Variants in ZNF407 observed in about 807,000 individuals in gnomAD.
ZNF407 encodes zinc finger protein 407.
A neutral mutation model predicts 131.2 loss-of-function variants in ZNF407; 17 were observed. That is an observed-to-expected ratio of 0.13 (90% CI 0.09 to 0.19). The LOEUF is 0.19. ZNF407 is among the 10% of genes least tolerant of loss of function. ZNF407 has a pLI of 1.00. For synonymous variants in ZNF407, 1,156 were observed against 1,062.0 expected (o/e 1.09, Z -1.72); for missense variants, 2,681 against 2,830.6 (o/e 0.95, Z 1.20).
intron 4 of ZNF407, among the ~76,000 whole-genome samples, chr18:74,807,387 GAGGTAGTCT>G (rs151261926): frequency 0.011 from 1,658 of 152,258 alleles, 28 homozygotes; most frequent in African/African-American, 0.037. Flanking sequence ...GAGAGTCATG[GAGGTAGTCT>G]TCGTTGTGCA....
intron 8 of ZNF407, among the ~76,000 whole-genome samples, chr18:75,008,731 G>A (rs1241884883): frequency 6.6e-6 from 1 of 152,110 alleles, no homozygotes; most frequent in Non-Finnish European, 1.5e-5. Context: ...GTAATGCAGG[G>A]TAATAGGAAC....
chr18:74,654,667 CATAAT>C (rs1985372308), intron 3 of ZNF407, among the ~76,000 whole-genome samples: 1 of 151,730 alleles, frequency 6.6e-6, no homozygotes, highest in African/African-American at 2.4e-5. Context: ...TAAACTACTA[CATAAT>C]ATATCTTTAC....
At chr18:74,606,878 TTTAC>T (rs976482857) in intron 1 of ZNF407, among the ~76,000 whole-genome samples, 13 of 152,196 alleles carry the variant, frequency 8.5e-5, no homozygotes, top group Non-Finnish European at 1.8e-4. Context: ...ATGAGGAAAT[TTTAC>T]TTATTTCACT....
chr18:74,615,444 G>T (rs1983245021), intron 1 of ZNF407, among the ~76,000 whole-genome samples: 1 of 152,224 alleles, frequency 6.6e-6, no homozygotes, highest in African/African-American at 2.4e-5. Flanking sequence ...GGCAGAGGTT[G>T]CAGTGAGCCA....
chr18:74,633,683 T>C lies in ZNF407; in HGVS notation c.2664T>C (p.Thr888=). 9 of 1,613,904 alleles carry C rather than the reference T, an allele frequency of 5.6e-6. No individual in the cohort carries two copies. Among genetic ancestry groups the C allele is most frequent in the African/African-American group, 1.3e-5 (1 of 75,020 alleles). ...SYLCKVCKYY[T]VTKGDMERHC... ...TATGCAAAGTGTGTAAGTATTACACTGTAACTAAGGGAGATATGGAACGTC... is the reference window on the plus strand; with the variant it reads ...TATGCAAAGTGTGTAAGTATTACACCGTAACTAAGGGAGATATGGAACGTC... Residue 888 remains threonine (T), a synonymous_variant, in exon 2 of 9, where the codon ACT becomes ACC. Transcript: ENST00000299687.
intron 4 of ZNF407, among the ~76,000 whole-genome samples, chr18:74,823,234 C>T (rs144180253): frequency 1.3e-5 from 2 of 152,154 alleles, no homozygotes; most frequent in African/African-American, 2.4e-5. Flanking sequence ...AAAGGAACAA[C>T]CAGTACCAGC....
chr18:74,692,074 A>G (rs993056618), intron 3 of ZNF407, among the ~76,000 whole-genome samples: 7 of 152,024 alleles, frequency 4.6e-5, no homozygotes, highest in African/African-American at 1.7e-4. Flanking sequence ...ATCCTGGGTA[A>G]CAGAGCAAGA....
chr18:74,907,524 G>A (rs190689541), intron 7 of ZNF407, among the ~76,000 whole-genome samples: 56 of 152,220 alleles, frequency 3.7e-4, no homozygotes, highest in Middle Eastern at 3.4e-3. Flanking sequence ...GTACATGGTC[G>A]GGGAAATGGC....
chr18:74,704,517 G>A (rs759503241), intron 3 of ZNF407, among the ~76,000 whole-genome samples: 1 of 152,152 alleles, frequency 6.6e-6, no homozygotes, highest in South Asian at 2.1e-4. Context: ...TGATAGATCA[G>A]TTTTCTTTTT....
At chr18:74,908,056 T>C (rs1125608) in intron 7 of ZNF407, among the ~76,000 whole-genome samples, 1 of 151,956 alleles carries the variant, frequency 6.6e-6, no homozygotes, top group African/African-American at 2.4e-5. Flanking sequence ...TTTCTGAGAT[T>C]TTTATCTTTT....
Position 74,710,925 on chromosome 18 carries a change from A to G in ZNF407, c.4802+69803A>G, listed in dbSNP as rs138980018. Among the ~76,000 whole-genome samples, 664 of 152,268 alleles carry G rather than the reference A, an allele frequency of 4.4e-3. 8 individuals are homozygous for G. Among genetic ancestry groups the G allele is most frequent in the Non-Finnish European group, 6.7e-3 (458 of 68,006 alleles). On this transcript the variant is annotated intron_variant, in intron 3 of 8. Transcript: ENST00000299687. ...CGAGTGAGGCTGAGCTATTTCTCTA[A>G]TGTCCTGTCAGAATGAGACAACAGT...
intron 8 of ZNF407, among the ~76,000 whole-genome samples, chr18:74,999,534 G>T (rs1025508402): frequency 3.3e-5 from 5 of 152,090 alleles, no homozygotes; most frequent in African/African-American, 9.7e-5. Context: ...ATAATTTAGA[G>T]TCTACTCCAG....
chr18:74,814,414 C>T (rs185093732), intron 4 of ZNF407, among the ~76,000 whole-genome samples: 17 of 152,276 alleles, frequency 1.1e-4, no homozygotes, highest in Admixed American at 3.9e-4. Flanking sequence ...CATTAGTCAC[C>T]GCTCCCAGCC....
chr18:74,890,772 G>A (rs187964713), intron 7 of ZNF407, among the ~76,000 whole-genome samples: 1 of 152,296 alleles, frequency 6.6e-6, no homozygotes, highest in African/African-American at 2.4e-5. Flanking sequence ...GGCCAGGGGA[G>A]TACATAAAGG....
intron 7 of ZNF407, among the ~76,000 whole-genome samples, chr18:74,900,928 T>A (rs1971516288): frequency 6.6e-6 from 1 of 152,200 alleles, no homozygotes; most frequent in Admixed American, 6.5e-5. Flanking sequence ...AATTGCCGGT[T>A]TTTTTCTAGA....
Position 74,881,018 on chromosome 18 carries a change from T to C in ZNF407, c.5045-18T>C, listed in dbSNP as rs1971229955. On this transcript the variant is annotated intron_variant, in intron 5 of 8. Transcript: ENST00000299687. ...TCTGTGACCTCCGCAGTCCCTCATCTGTTTGTTGTTGCAACAGGCGAGAAG... is the reference window on the plus strand; with the variant it reads ...TCTGTGACCTCCGCAGTCCCTCATCCGTTTGTTGTTGCAACAGGCGAGAAG... 1 of 1,584,690 alleles carries C rather than the reference T, an allele frequency of 6.3e-7. No individual in the cohort carries two copies. The highest frequency in any genetic ancestry group is 8.6e-7 in the Non-Finnish European group (1 of 1,164,360).
At chr18:74,622,581 G>T (rs1983562564) in intron 1 of ZNF407, among the ~76,000 whole-genome samples, 1 of 152,182 alleles carries the variant, frequency 6.6e-6, no homozygotes, top group Non-Finnish European at 1.5e-5. Context: ...CACCTGCCTT[G>T]TCACACGTAC....
chr18:74,833,615 G>A (rs182561467), intron 4 of ZNF407, among the ~76,000 whole-genome samples: 3 of 152,364 alleles, frequency 2.0e-5, no homozygotes, highest in East Asian at 3.9e-4. Flanking sequence ...ACAGGAAGGT[G>A]CTGAGAGGGA....
At chr18:74,646,350 A>T (rs1984971665) in intron 3 of ZNF407, among the ~76,000 whole-genome samples, 1 of 152,204 alleles carries the variant, frequency 6.6e-6, no homozygotes. Context: ...GGAAATGTTT[A>T]TTCTATAATG....
Sources: allele counts gnomAD v4.1 joint callset (sites outside exome capture counted in the v4.1 genomes callset), GRCh38; gene constraint gnomAD v4.1.1; transcripts MANE v1.5; gene names NCBI Gene and HGNC (gene_info 2026-07-23, HGNC 2026-07-21).